Variants in ITSN2 observed in about 807,000 individuals in gnomAD.
ITSN2 encodes intersectin-2.
In ITSN2, 156 loss-of-function variants were observed where a neutral mutation model predicts 243.7. That is an observed-to-expected ratio of 0.64 (90% CI 0.56 to 0.73). The LOEUF (loss-of-function observed/expected upper bound fraction) is 0.73, where lower values mean the gene tolerates loss of function less well. Among genes scored for constraint, ITSN2 ranks in the 30% least tolerant of loss-of-function variants. ITSN2 has a pLI of 0.00. For missense variants in ITSN2, 1,801 were observed against 1,996.1 expected, an observed-to-expected ratio of 0.90 and a Z score of 1.86; for synonymous variants, 703 against 699.9, an observed-to-expected ratio of 1.00 and a Z score of -0.07.
rs760154042 is a variant in ITSN2, at chr2:24,204,554, G to C, written c.4763-136C>G. 7.1e-5 allele frequency: 55 copies of C among 776,982 alleles called. 1 individual carries two copies. The highest frequency in any genetic ancestry group is 6.4e-4 in the African/African-American group (38 of 59,042). The allele number at this position is 776,982 out of a possible 1,614,324, so 48.1% of individuals were successfully genotyped here. On this transcript the variant is annotated intron_variant, in intron 38 of 39. Transcript: ENST00000355123. This position sits in a 1 kb window ranked among gnomAD's most constrained non-coding sequence, Gnocchi z 5.1. ...ATGGCAGCAGGAGCCGCTGCCTGGG[G>C]CACCATATCCCTGTGGTCTAGTAAC...
chr2:24,299,046 T>TTC (rs1681372330), intron 12 of ITSN2, among the ~76,000 whole-genome samples: 1 of 149,320 alleles, frequency 6.7e-6, no homozygotes. Flanking sequence ...TTTTTTTTTT[T>TTC]CCAGACAGCA....
At chr2:24,357,361 C>A (rs1688539723) in intron 1 of ITSN2, among the ~76,000 whole-genome samples, 1 of 152,176 alleles carries the variant, frequency 6.6e-6, no homozygotes, top group African/African-American at 2.4e-5. Flanking sequence ...TCATCCTCAG[C>A]AAACTAACAC....
chr2:24,234,908 G>A (rs901836655), intron 29 of ITSN2, among the ~76,000 whole-genome samples: 5 of 152,178 alleles, frequency 3.3e-5, no homozygotes, highest in African/African-American at 1.2e-4. Context: ...ATGCAAAATG[G>A]TACAGCCACT....
intron 17 of ITSN2, among the ~76,000 whole-genome samples, chr2:24,278,721 A>T (rs1678361481): frequency 7.3e-6 from 1 of 136,946 alleles, no homozygotes; most frequent in African/African-American, 2.8e-5. Flanking sequence ...GCGCGATCTC[A>T]GCTCACTGCA....
intron 1 of ITSN2, among the ~76,000 whole-genome samples, chr2:24,329,594 A>G (rs1685549528): frequency 6.6e-6 from 1 of 152,200 alleles, no homozygotes. Flanking sequence ...GAGTAGGACC[A>G]GTTAGGAAGT....
Position 24,248,633 on chromosome 2 carries a change from A to C in ITSN2, c.3284T>G (p.Leu1095Ter). ...KNTSGWWQGE[L>*]QARGKKRQKG... ...ATGCTATTTAAAGAATATTACCTGTAACTCTCCTTGCCACCACCCACTTGT... is the reference window on the plus strand; with the variant it reads ...ATGCTATTTAAAGAATATTACCTGTCACTCTCCTTGCCACCACCCACTTGT... Residue 1095 changes from leucine (L) to a stop codon, truncating the protein, a stop_gained, in exon 27 of 40, where the codon TTA becomes TGA. Transcript: ENST00000355123. LOFTEE classifies it high-confidence loss of function. The C allele has an allele frequency of 6.2e-7, 1 of 1,602,616 alleles. No homozygotes were observed. The highest frequency in any genetic ancestry group is 8.5e-7 in the Non-Finnish European group (1 of 1,171,886).
Position 24,208,224 on chromosome 2 carries a change from G to T in ITSN2, c.4678+13C>A. ...CCTGGGGGCTGCGTCCCACCCTCCGGGCACCCTGATACCTTGGTAAGCTTT... is the reference window on the plus strand; with the variant it reads ...CCTGGGGGCTGCGTCCCACCCTCCGTGCACCCTGATACCTTGGTAAGCTTT... On this transcript the variant is annotated intron_variant, in intron 37 of 39. Coordinates refer to ENST00000355123, the MANE Select transcript of ITSN2 (RefSeq NM_006277.3). 1 of 1,610,386 alleles carries T rather than the reference G, an allele frequency of 6.2e-7. No individual in the cohort carries two copies. The highest frequency in any genetic ancestry group is 8.5e-7 in the Non-Finnish European group (1 of 1,178,436).
chr2:24,274,488 T>C (rs186542114), intron 18 of ITSN2, among the ~76,000 whole-genome samples: 1 of 152,224 alleles, frequency 6.6e-6, no homozygotes, highest in Non-Finnish European at 1.5e-5. Flanking sequence ...GCAGGAGGAT[T>C]GCTTGAGCCC....
At chr2:24,345,627 T>A (rs1219962244) in intron 1 of ITSN2, among the ~76,000 whole-genome samples, 2 of 151,814 alleles carry the variant, frequency 1.3e-5, no homozygotes, top group African/African-American at 4.8e-5. Context: ...ATAAAGCCAA[T>A]TCTTTTGACC....
rs78276827 is a variant in ITSN2 at position 24,268,553 on chromosome 2, G to A, written c.2355+2118C>T. 7.2e-3 allele frequency among the ~76,000 whole-genome samples: 1,103 copies of A among 152,238 alleles called. 8 individuals carry two copies. Among genetic ancestry groups the A allele is most frequent in the African/African-American group, 0.026 (1,062 of 41,520 alleles). ...CTGTACGTTCTACACACTGATCTGA[G>A]GGGGGCTTCACAGATACACAGATGT... is the stretch of plus-strand genomic sequence containing the variant. On this transcript the variant is annotated intron_variant, in intron 20 of 39. Coordinates refer to ENST00000355123, the MANE Select transcript of ITSN2 (RefSeq NM_006277.3).
At position 24,210,845 on chromosome 2, in the gene ITSN2, C is replaced by T. The variant is rs779443967; in HGVS notation, c.4192G>A (p.Glu1398Lys). 5.0e-6 allele frequency: 8 copies of T among 1,614,016 alleles called. No individual in the cohort carries two copies. The highest frequency in any genetic ancestry group is 1.7e-5 in the Admixed American group (1 of 60,002). Residue 1398 changes from glutamate (E) to lysine (K), a missense_variant, in exon 34 of 40, where the codon GAG becomes AAG. This residue lies in a region of ITSN2 where 928 missense variants were observed against 1,065.4 expected (regional missense o/e 0.87). Coordinates refer to ENST00000355123, the MANE Select transcript of ITSN2 (RefSeq NM_006277.3). ...LCSQVNEGVR[E>K]KENSDRLEWI... Reference sequence around the variant, plus strand: ...TCCAGTCGGTCCGAGTTTTCCTTCTCCCGAACTCCCTCATTCACTTGAGAG... The same window carrying T: ...TCCAGTCGGTCCGAGTTTTCCTTCTTCCGAACTCCCTCATTCACTTGAGAG...
rs926838281 is a variant in ITSN2, at chr2:24,212,468, C to T, written c.4089+182G>A. 4.5e-4 allele frequency among the ~76,000 whole-genome samples: 69 copies of T among 152,122 alleles called. 1 individual carries two copies. The highest frequency in any genetic ancestry group is 1.3e-3 in the African/African-American group (54 of 41,388). On this transcript the variant is annotated intron_variant, in intron 33 of 39. Transcript: ENST00000355123. ...TGATTTGCCCACTTCAAGGATTCAGCGTGTTTCTGTGCACACACACACACA... is the reference window on the plus strand; with the variant it reads ...TGATTTGCCCACTTCAAGGATTCAGTGTGTTTCTGTGCACACACACACACA...
chr2:24,304,059 T>C (rs1682157860), intron 8 of ITSN2, among the ~76,000 whole-genome samples, 197 bp from the exon 9 acceptor site: 1 of 152,186 alleles, frequency 6.6e-6, no homozygotes, highest in South Asian at 2.1e-4. Flanking sequence ...GAATTTTAAA[T>C]CTAGAATTAG....
chr2:24,270,745 T>C lies in ITSN2; in HGVS notation c.2281A>G (p.Asn761Asp). 6.3e-7 allele frequency: 1 copy of C among 1,592,720 alleles called. No individual in the cohort carries two copies. Among genetic ancestry groups the C allele is most frequent in the Non-Finnish European group, 8.6e-7 (1 of 1,162,732 alleles). The change falls in exon 20 of 40, where the codon AAT becomes GAT. Residue 761 changes from asparagine (N) to aspartate (D), a missense_variant. Transcript: ENST00000355123. Reference protein sequence around the residue: ...KKRETASVLVNYRALYPFEAR... With the variant: ...KKRETASVLVDYRALYPFEAR... The stretch of plus-strand genomic sequence containing the variant: ...TCAAAGGGGTATAATGCTCTATAAT[T>C]CACCAAAACACTAGCTGTCTCACCT...
At chr2:24,306,713 C>T (rs1044414682) in intron 8 of ITSN2, among the ~76,000 whole-genome samples, 2 of 152,092 alleles carry the variant, frequency 1.3e-5, no homozygotes, top group East Asian at 3.9e-4. Flanking sequence ...CACTATGTTG[C>T]CCAGGCTGGA....
At position 24,207,498 on chromosome 2, in the gene ITSN2, G is replaced by A. The variant is rs377517474; in HGVS notation, c.4678+739C>T. On this transcript the variant is annotated intron_variant, in intron 37 of 39. Transcript: ENST00000355123. ...GTGCTGTTCAGAGGCGCGGGCTTGG[G>A]AGAGTGTGGCTAGCCTGACCCTGAA... 3.3e-5 allele frequency among the ~76,000 whole-genome samples: 5 copies of A among 152,264 alleles called. No individual in the cohort carries two copies. In the East Asian group the frequency reaches 7.7e-4, roughly 24 times the overall value.
chr2:24,359,700 T>C (rs1688773465), intron 1 of ITSN2, among the ~76,000 whole-genome samples: 1 of 152,162 alleles, frequency 6.6e-6, no homozygotes, highest in South Asian at 2.1e-4. Context: ...CGGTGCTTCC[T>C]GTATATTCTG....
rs758464218 is a variant in ITSN2, at chr2:24,246,900, A to C, written c.3289-7T>G. On this transcript the variant is annotated splice_polypyrimidine_tract_variant and splice_region_variant and intron_variant, in intron 27 of 39. Coordinates refer to ENST00000355123, the MANE Select transcript of ITSN2 (RefSeq NM_006277.3). ...GTCGCTTTTTTCCTCTGGCCTAAAA[A>C]TTAGCAAAAGAAATACATAATTGAA... The C allele has an allele frequency of 6.3e-7, 1 of 1,583,838 alleles. No individual in the cohort carries two copies. Among genetic ancestry groups the C allele is most frequent in the Non-Finnish European group, 8.6e-7 (1 of 1,156,568 alleles).
At chr2:24,231,061 C>T (rs1426923133) in intron 29 of ITSN2, among the ~76,000 whole-genome samples, 1 of 152,102 alleles carries the variant, frequency 6.6e-6, no homozygotes, top group Non-Finnish European at 1.5e-5. Context: ...CTCCAGATAT[C>T]CTCACACCCC....
Sources: allele counts gnomAD v4.1 joint callset (sites outside exome capture counted in the v4.1 genomes callset), GRCh38; gene constraint gnomAD v4.1.1; regional missense constraint gnomAD v4.1.1; non-coding constraint Gnocchi (gnomAD v3.1); transcripts MANE v1.5; gene names NCBI Gene and HGNC (gene_info 2026-07-23, HGNC 2026-07-21).